The following CADM2 variants were observed in gnomAD, a reference collection of about 807,000 sequenced individuals.
CADM2 encodes immunoglobulin superfamily member 4D.
In CADM2, 12 loss-of-function variants were observed where a neutral mutation model predicts 49.8. The ratio of observed to expected loss-of-function variants is 0.24; its 90% CI spans 0.15 to 0.39. The LOEUF (loss-of-function observed/expected upper bound fraction) is 0.39, where lower values mean the gene tolerates loss of function less well. Among genes scored for constraint, CADM2 ranks in the 10% least tolerant of loss-of-function variants. The pLI is 1.00. For missense variants in CADM2, 378 were observed against 492.3 expected (o/e 0.77, Z 2.20); for synonymous variants, 214 against 175.4 (o/e 1.22, Z -1.74).
chr3:85,738,880 A>C lies in CADM2; in HGVS notation c.88+12332A>C, dbSNP rs544458220. ...CTCATTCACATTTAATTATTCATCTATTCATTACCCAAATATTTGTTGAGT... is the reference window on the plus strand; with the variant it reads ...CTCATTCACATTTAATTATTCATCTCTTCATTACCCAAATATTTGTTGAGT... On this transcript the variant is annotated intron_variant, in intron 2 of 9. Coordinates refer to ENST00000383699, the MANE Select transcript of CADM2 (RefSeq NM_001167675.2). 2.0e-4 allele frequency among the ~76,000 whole-genome samples: 30 copies of C among 152,306 alleles called. No individual in the cohort carries two copies. In the South Asian group the frequency reaches 6.2e-3, roughly 32 times the overall value.
chr3:85,402,764 A>C lies in CADM2; in HGVS notation c.62-323758A>C, dbSNP rs1344126043. Among the ~76,000 whole-genome samples, 4 of 152,300 alleles carry C rather than the reference A, an allele frequency of 2.6e-5. No individual in the cohort carries two copies. In the East Asian group the frequency reaches 7.7e-4, roughly 29 times the overall value. ...TGCCAATGCCTGTGTTAGAAGCTATAATCAAAAACTGTAAATCTTTTTGTC... is the reference window on the plus strand; with the variant it reads ...TGCCAATGCCTGTGTTAGAAGCTATCATCAAAAACTGTAAATCTTTTTGTC... On this transcript the variant is annotated intron_variant, in intron 1 of 9. Coordinates refer to ENST00000383699, the MANE Select transcript of CADM2 (RefSeq NM_001167675.2).
At chr3:85,122,401 A>C (rs1398973509) in intron 1 of CADM2, among the ~76,000 whole-genome samples, 1 of 152,090 alleles carries the variant, frequency 6.6e-6, no homozygotes, top group Admixed American at 6.6e-5. Context: ...AACTGTCTAT[A>C]ACTCATTACT....
intron 1 of CADM2, among the ~76,000 whole-genome samples, chr3:84,969,001 C>T (rs531543553): frequency 6.6e-6 from 1 of 152,116 alleles, no homozygotes; most frequent in African/African-American, 2.4e-5. Context: ...GAGAGACAGA[C>T]ATCTTTTTCT....
At chr3:85,120,703 G>A (rs576134601) in intron 1 of CADM2, among the ~76,000 whole-genome samples, 2 of 152,194 alleles carry the variant, frequency 1.3e-5, no homozygotes, top group East Asian at 1.9e-4. Context: ...GGGAGGGATA[G>A]CCTTAGGAGA....
intron 4 of CADM2, among the ~76,000 whole-genome samples, chr3:85,884,854 A>G (rs913448711): frequency 6.7e-6 from 1 of 149,406 alleles, no homozygotes; most frequent in Non-Finnish European, 1.5e-5. Context: ...CCTTCTGAGT[A>G]GCTGGGATTA....
chr3:85,882,715 C>A (rs1315802359), intron 3 of CADM2, among the ~76,000 whole-genome samples: 7 of 152,110 alleles, frequency 4.6e-5, no homozygotes, highest in Admixed American at 4.6e-4. Context: ...TGATTCAAAC[C>A]AAAGACTGTA....
intron 1 of CADM2, among the ~76,000 whole-genome samples, chr3:85,625,720 A>C (rs2064107198): frequency 6.6e-6 from 1 of 152,016 alleles, no homozygotes; most frequent in Non-Finnish European, 1.5e-5. Context: ...CACATGAGTA[A>C]TAAATTTTTG....
At chr3:85,014,274 G>T (rs945487829) in intron 1 of CADM2, among the ~76,000 whole-genome samples, 15 of 150,684 alleles carry the variant, frequency 1.0e-4, no homozygotes, top group African/African-American at 3.7e-4. Flanking sequence ...GTAATAATAT[G>T]TTTAGAGAAA....
intron 1 of CADM2, among the ~76,000 whole-genome samples, chr3:85,401,129 C>A (rs1207132942): frequency 6.6e-6 from 1 of 152,196 alleles, no homozygotes; most frequent in Non-Finnish European, 1.5e-5. Flanking sequence ...GGCTCCTCCT[C>A]TCACCACTAA....
chr3:85,158,127 G>A (rs1281773906), intron 1 of CADM2, among the ~76,000 whole-genome samples: 7 of 152,152 alleles, frequency 4.6e-5, no homozygotes, highest in South Asian at 2.1e-4. Context: ...AATGCAAATC[G>A]AAACCACAAT....
intron 8 of CADM2, among the ~76,000 whole-genome samples, chr3:86,007,518 G>A (rs528585763): frequency 1.3e-5 from 2 of 152,304 alleles, no homozygotes; most frequent in Admixed American, 1.3e-4. Flanking sequence ...TGGGGATGGA[G>A]GAGCTTGCCA....
chr3:85,829,714 C>T (rs2074098435), intron 3 of CADM2, among the ~76,000 whole-genome samples: 1 of 151,922 alleles, frequency 6.6e-6, no homozygotes, highest in Non-Finnish European at 1.5e-5. Flanking sequence ...ACTATTCTCT[C>T]TGCTCCTCTG....
chr3:85,228,609 C>G (rs983468315), intron 1 of CADM2, among the ~76,000 whole-genome samples: 1 of 151,798 alleles, frequency 6.6e-6, no homozygotes, highest in Non-Finnish European at 1.5e-5. Context: ...TGCTGGAGGC[C>G]CCCTCCACAC....
intron 1 of CADM2, among the ~76,000 whole-genome samples, chr3:84,975,297 G>A (rs2031746457): frequency 6.6e-6 from 1 of 151,592 alleles, no homozygotes; most frequent in African/African-American, 2.4e-5. Context: ...TATCTCTGTG[G>A]TATATTTTAT....
intron 8 of CADM2, among the ~76,000 whole-genome samples, chr3:85,969,139 A>G (rs982254253): frequency 4.6e-5 from 7 of 151,586 alleles, no homozygotes; most frequent in Admixed American, 3.3e-4. Context: ...GCTTCAATAT[A>G]TAAACGTTTT....
intron 1 of CADM2, among the ~76,000 whole-genome samples, chr3:85,149,449 G>C (rs571820004): frequency 6.6e-6 from 1 of 152,102 alleles, no homozygotes; most frequent in African/African-American, 2.4e-5. Flanking sequence ...AAATTGAGCC[G>C]GGCACGGTTG....
At chr3:85,462,950 C>G (rs1380195454) in intron 1 of CADM2, among the ~76,000 whole-genome samples, 1 of 152,110 alleles carries the variant, frequency 6.6e-6, no homozygotes, top group Admixed American at 6.5e-5. Context: ...TTTGGATTCT[C>G]TCCTGTGACC....
intron 1 of CADM2, among the ~76,000 whole-genome samples, chr3:85,056,957 G>T (rs2036103729): frequency 6.6e-6 from 1 of 152,096 alleles, no homozygotes; most frequent in South Asian, 2.1e-4. Flanking sequence ...GTTACAGAAT[G>T]AATCGGTGTG....
chr3:85,283,930 G>T (rs1362446218), intron 1 of CADM2, among the ~76,000 whole-genome samples: 1 of 152,094 alleles, frequency 6.6e-6, no homozygotes, highest in African/African-American at 2.4e-5. Context: ...GTCAGTAAAG[G>T]TGCCAAAGCA....
Sources: gnomAD v4.1 joint callset for allele counts (sites outside exome capture counted in the v4.1 genomes callset) on GRCh38, gnomAD v4.1.1 for gene constraint, MANE v1.5 for transcripts, NCBI Gene and HGNC (gene_info 2026-07-23, HGNC 2026-07-21) for gene names.